The following SLC39A8 variants were observed in gnomAD, a reference collection of about 807,000 sequenced individuals.
The protein encoded by SLC39A8 is metal cation symporter ZIP8.
In SLC39A8, 15 loss-of-function variants were observed where a neutral mutation model predicts 40.4. The ratio of observed to expected loss-of-function variants is 0.37; its 90% CI spans 0.25 to 0.57. The LOEUF (loss-of-function observed/expected upper bound fraction) is 0.57, where lower values mean the gene tolerates loss of function less well. Among genes scored for constraint, SLC39A8 ranks in the 20% least tolerant of loss-of-function variants. The pLI is 0.75. For synonymous variants in SLC39A8, 223 were observed against 221.6 expected (o/e 1.01, Z -0.06); for missense variants, 472 against 558.8 (o/e 0.84, Z 1.57).
intron 2 of SLC39A8, chr4:102,324,269 C>T: frequency 2.9e-6 from 1 of 349,818 alleles, no homozygotes; most frequent in South Asian, 2.0e-5. Flanking sequence ...TTGGTGCATG[C>T]CTGTAATCCC....
rs545479700 is a variant in SLC39A8 at position 102,273,956 on chromosome 4, A to G, written c.841-5877T>C. Reference sequence around the variant, plus strand: ...ACTCCATCTGAAGGTCACCAACAGCAAAGACCAAAGGTAGATAAAGTCACC... The same window carrying G: ...ACTCCATCTGAAGGTCACCAACAGCGAAGACCAAAGGTAGATAAAGTCACC... On this transcript the variant is annotated intron_variant, in intron 6 of 8. Coordinates refer to ENST00000356736, the MANE Select transcript of SLC39A8 (RefSeq NM_001135146.2). Among the ~76,000 whole-genome samples, 3 of 152,362 alleles carry G rather than the reference A, an allele frequency of 2.0e-5. No homozygotes were observed. The East Asian group carries it at 5.8e-4, about 29-fold the overall frequency.
At chr4:102,300,371 C>T (rs991219626) in intron 6 of SLC39A8, among the ~76,000 whole-genome samples, 23 of 151,960 alleles carry the variant, frequency 1.5e-4, no homozygotes, top group African/African-American at 5.3e-4. Flanking sequence ...ACAGATAAAA[C>T]ACCAGAGACT....
At chr4:102,306,222 C>G (rs1189631058) in intron 4 of SLC39A8, among the ~76,000 whole-genome samples, 1 of 151,710 alleles carries the variant, frequency 6.6e-6, no homozygotes, top group Non-Finnish European at 1.5e-5. Context: ...AGTCCACATA[C>G]AGTATTAGTT....
In SLC39A8 at chr4:102,305,075, C is replaced by T. The variant is rs1734109533; in HGVS notation, c.589G>A (p.Glu197Lys). The change falls in exon 5 of 9, where the codon GAG (glutamate) becomes AAG (lysine). Residue 197 changes from glutamate to lysine, a missense_variant. By Grantham distance (56) the Glu-to-Lys change is moderately conservative. Coordinates refer to ENST00000356736, the MANE Select transcript of SLC39A8 (RefSeq NM_001135146.2). ...CCACCAAACACAGCAACTGCCTTCTCAACATAACTGTCGACTTTGGGATCA... is the reference window on the plus strand; with the variant it reads ...CCACCAAACACAGCAACTGCCTTCTTAACATAACTGTCGACTTTGGGATCA... ...GFDPKVDSYV[E>K]KAVAVFGGFY... is the part of the protein sequence containing the mutation. The T allele has an allele frequency of 6.2e-7, 1 of 1,610,892 alleles. No homozygotes were observed. Among genetic ancestry groups the T allele is most frequent in the East Asian group, 2.2e-5 (1 of 44,716 alleles).
chr4:102,323,720 G>A (rs145421009), intron 2 of SLC39A8, among the ~76,000 whole-genome samples: 2 of 152,238 alleles, frequency 1.3e-5, no homozygotes, highest in African/African-American at 2.4e-5. Context: ...AATTTCTAAC[G>A]GTACAAGATT....
chr4:102,336,523 AT>A (rs147218183), intron 2 of SLC39A8, among the ~76,000 whole-genome samples: 20,034 of 152,222 alleles, frequency 0.13, 1,585 homozygotes, highest in South Asian at 0.28. Context: ...TGCTCACTTG[AT>A]TTTTTTCTCT....
intron 6 of SLC39A8, among the ~76,000 whole-genome samples, chr4:102,273,316 A>C (rs1732455319): frequency 6.6e-6 from 1 of 152,094 alleles, no homozygotes; most frequent in Admixed American, 6.5e-5. Flanking sequence ...TCATAATGTA[A>C]ACAAAGCCTC....
At chr4:102,284,982 C>T (rs1030396400) in intron 6 of SLC39A8, among the ~76,000 whole-genome samples, 3 of 152,052 alleles carry the variant, frequency 2.0e-5, no homozygotes, top group African/African-American at 4.8e-5. Context: ...TTGGTGTTTC[C>T]TCTGCTGCTA....
At chr4:102,299,493 A>T (rs1578589071) in intron 6 of SLC39A8, among the ~76,000 whole-genome samples, 1 of 151,986 alleles carries the variant, frequency 6.6e-6, no homozygotes, top group African/African-American at 2.4e-5. Flanking sequence ...AATAATGCCA[A>T]GTATATGTTA....
In SLC39A8 at chr4:102,342,545, G is replaced by C. The variant is rs1434240138; in HGVS notation, c.219+1899C>G. 2.6e-5 allele frequency among the ~76,000 whole-genome samples: 4 copies of C among 152,282 alleles called. No individual in the cohort carries two copies. The East Asian group carries it at 5.8e-4, about 22-fold the overall frequency. On this transcript the variant is annotated intron_variant, in intron 2 of 8. Transcript: ENST00000356736. ...AAGAGATGTTTGTTAGGCTTATTAA[G>C]TGGTAAATTTTCCTTGGCTTCCTTT...
At chr4:102,283,431 T>C (rs1732997628) in intron 6 of SLC39A8, among the ~76,000 whole-genome samples, 1 of 152,234 alleles carries the variant, frequency 6.6e-6, no homozygotes. Context: ...ATTATTTTAT[T>C]GCTGTTTGCC....
At chr4:102,340,994 G>A (rs1735917896) in intron 2 of SLC39A8, among the ~76,000 whole-genome samples, 1 of 152,190 alleles carries the variant, frequency 6.6e-6, no homozygotes. Context: ...TAGTTTAGTG[G>A]GTGCTAGGTC....
intron 2 of SLC39A8, among the ~76,000 whole-genome samples, chr4:102,341,435 C>G (rs1735935833): frequency 6.6e-6 from 1 of 152,202 alleles, no homozygotes; most frequent in African/African-American, 2.4e-5. Context: ...AAAGGCAGCA[C>G]TGAGGCCATT....
chr4:102,331,364 C>G (rs1027461268), intron 2 of SLC39A8, among the ~76,000 whole-genome samples: 2 of 152,112 alleles, frequency 1.3e-5, no homozygotes, highest in African/African-American at 2.4e-5. Flanking sequence ...ACAAGCATTC[C>G]TATACACCAA....
chr4:102,317,902 C>T (rs988688923), intron 2 of SLC39A8, among the ~76,000 whole-genome samples: 2 of 152,132 alleles, frequency 1.3e-5, no homozygotes, highest in African/African-American at 4.8e-5. Flanking sequence ...AATCAGGACG[C>T]CCACTTGCTA....
rs776258433 is a variant in SLC39A8, at chr4:102,344,714, A to T, written c.-52T>A. 1.2e-4 allele frequency: 165 copies of T among 1,379,414 alleles called. No homozygotes were observed. Among genetic ancestry groups the T allele is most frequent in the Middle Eastern group, 5.3e-4 (2 of 3,782 alleles). 85.4% of individuals were successfully genotyped at this position (1,379,414 alleles called of 1,614,324 possible). A position where few individuals can be genotyped will look rare whatever the true frequency, so the allele number is the denominator to read the frequency against. On this transcript the variant is annotated 5_prime_UTR_variant, in exon 2 of 9. Transcript: ENST00000356736. ...CCGCGACGGGCTGCCGCGCAGAGGG[A>T]CGCGCGCGGGCGCACTGGCGTCCTT...
intron 6 of SLC39A8, among the ~76,000 whole-genome samples, chr4:102,284,700 T>C (rs1403497665): frequency 6.6e-6 from 1 of 152,144 alleles, no homozygotes; most frequent in East Asian, 1.9e-4. Context: ...TTGATCAAAG[T>C]CACAAACACT....
chr4:102,273,110 T>C (rs1175234540), intron 6 of SLC39A8, among the ~76,000 whole-genome samples: 2 of 151,990 alleles, frequency 1.3e-5, no homozygotes, highest in Non-Finnish European at 2.9e-5. Flanking sequence ...TTCACTCCCC[T>C]GGAAAGGGGG....
intron 6 of SLC39A8, among the ~76,000 whole-genome samples, chr4:102,271,565 C>T (rs1732364866): frequency 6.6e-6 from 1 of 152,172 alleles, no homozygotes; most frequent in African/African-American, 2.4e-5. Context: ...ATGCTGAGCC[C>T]CCAAAAAGCT....
Sources: gnomAD v4.1 joint callset for allele counts (sites outside exome capture counted in the v4.1 genomes callset) on GRCh38, gnomAD v4.1.1 for gene constraint, MANE v1.5 for transcripts, NCBI Gene and HGNC (gene_info 2026-07-23, HGNC 2026-07-21) for gene names.